NDUFAF2: variants seen among roughly 807,000 people sequenced by gnomAD.
NDUFAF2 encodes the protein NADH dehydrogenase [ubiquinone] 1 alpha subcomplex assembly factor 2.
A neutral mutation model predicts 22.8 loss-of-function variants in NDUFAF2; 13 were observed. The observed-to-expected ratio is 0.57, with a 90% CI of 0.37 to 0.91. NDUFAF2 has a LOEUF of 0.91. Among genes scored for constraint, NDUFAF2 ranks in the 40% least tolerant of loss-of-function variants. The probability of loss-of-function intolerance (pLI) is 0.01; values close to 1 mark genes in which losing one functional copy is unlikely to be tolerated. For missense variants in NDUFAF2, 162 were observed against 195.2 expected, an observed-to-expected ratio of 0.83 and a Z score of 1.01; for synonymous variants, 53 against 64.2, an observed-to-expected ratio of 0.83 and a Z score of 0.84.
At chr5:60,980,791 C>T (rs1218746242) in intron 1 of NDUFAF2, among the ~76,000 whole-genome samples, 5 of 151,954 alleles carry the variant, frequency 3.3e-5, no homozygotes, top group Non-Finnish European at 1.5e-5. Context: ...ATGCAGTTGA[C>T]ACACTGAACA....
chr5:61,077,047 A>G (rs1232042606), intron 2 of NDUFAF2, among the ~76,000 whole-genome samples: 1 of 152,206 alleles, frequency 6.6e-6, no homozygotes, highest in African/African-American at 2.4e-5. Context: ...GGGTGGAAAA[A>G]TGAAATCAAT....
At chr5:61,033,922 A>T (rs1169773948) in intron 1 of NDUFAF2, among the ~76,000 whole-genome samples, 1 of 152,152 alleles carries the variant, frequency 6.6e-6, no homozygotes, top group East Asian at 1.9e-4. Flanking sequence ...TTAATAGCTG[A>T]CGTTATTTTC....
intron 3 of NDUFAF2, among the ~76,000 whole-genome samples, chr5:61,106,997 A>C (rs1752772339): frequency 6.9e-6 from 1 of 144,592 alleles, no homozygotes; most frequent in Non-Finnish European, 1.5e-5. Context: ...TAAACATGGG[A>C]GTACAGGTAT....
chr5:61,016,408 T>A (rs965176384), intron 1 of NDUFAF2, among the ~76,000 whole-genome samples: 1 of 152,186 alleles, frequency 6.6e-6, no homozygotes, highest in African/African-American at 2.4e-5. Context: ...TCCTGTTGGA[T>A]GATTGCTTTC....
At chr5:60,954,033 T>A (rs1750582081) in intron 1 of NDUFAF2, among the ~76,000 whole-genome samples, 1 of 152,140 alleles carries the variant, frequency 6.6e-6, no homozygotes, top group Non-Finnish European at 1.5e-5. Flanking sequence ...TGATATAAGT[T>A]AGGATTGTTT....
At chr5:61,136,005 TTATATATATATATATATATATATA>T (rs57756292) in intron 3 of NDUFAF2, among the ~76,000 whole-genome samples, 6,883 of 96,052 alleles carry the variant, frequency 0.072, 771 homozygotes, top group South Asian at 0.14. Flanking sequence ...AAGCCTGTCT[TTATATATATATATATATATATATA>T]TATATATATA....
At chr5:60,987,101 G>A (rs936729374) in intron 1 of NDUFAF2, among the ~76,000 whole-genome samples, 9 of 151,674 alleles carry the variant, frequency 5.9e-5, no homozygotes, top group South Asian at 2.1e-4. Context: ...GAATGTTACC[G>A]CTGACCCCAC....
At chr5:61,071,880 TAAAG>T (rs1309643313) in intron 1 of NDUFAF2, among the ~76,000 whole-genome samples, 2 of 152,226 alleles carry the variant, frequency 1.3e-5, no homozygotes, top group Non-Finnish European at 2.9e-5. Context: ...ACCATTTTGA[TAAAG>T]CTGCTTTGAA....
intron 3 of NDUFAF2, among the ~76,000 whole-genome samples, chr5:61,143,630 T>C (rs1741088324): frequency 6.6e-6 from 1 of 152,158 alleles, no homozygotes; most frequent in Admixed American, 6.5e-5. Flanking sequence ...TCATTTTTTA[T>C]ATGTAATATA....
At chr5:61,046,586 A>G (rs78658020) in intron 1 of NDUFAF2, among the ~76,000 whole-genome samples, 3,114 of 152,254 alleles carry the variant, frequency 0.02, 57 homozygotes, top group Non-Finnish European at 0.031. Flanking sequence ...ATTATCTATC[A>G]TAAAATCTCT....
chr5:61,004,455 T>A (rs1751339526), intron 1 of NDUFAF2, among the ~76,000 whole-genome samples: 1 of 152,104 alleles, frequency 6.6e-6, no homozygotes, highest in African/African-American at 2.4e-5. Context: ...GCTTTAATTG[T>A]GAAATCTACT....
chr5:61,150,056 C>T (rs1308469178), intron 3 of NDUFAF2, among the ~76,000 whole-genome samples: 5 of 152,110 alleles, frequency 3.3e-5, no homozygotes, highest in Non-Finnish European at 5.9e-5. Context: ...CTCAGCCTCC[C>T]GAGTAGCTGG....
At chr5:60,972,685 A>C (rs1460869713) in intron 1 of NDUFAF2, among the ~76,000 whole-genome samples, 1 of 151,298 alleles carries the variant, frequency 6.6e-6, no homozygotes, top group African/African-American at 2.4e-5. Flanking sequence ...AGGTTATATT[A>C]GAGTCTTGAT....
chr5:61,004,185 T>C (rs1196517332), intron 1 of NDUFAF2, among the ~76,000 whole-genome samples: 2 of 152,078 alleles, frequency 1.3e-5, no homozygotes, highest in African/African-American at 4.8e-5. Context: ...TTTTCTGTCT[T>C]ATTTGTTTTT....
At chr5:61,079,000 A>G (rs1415014964) in intron 2 of NDUFAF2, among the ~76,000 whole-genome samples, 1 of 152,152 alleles carries the variant, frequency 6.6e-6, no homozygotes, top group Non-Finnish European at 1.5e-5. Flanking sequence ...AACATTTTTT[A>G]TGAGAACCCT....
chr5:61,069,040 T>C lies in NDUFAF2; in HGVS notation c.128-4085T>C, dbSNP rs76576811. The stretch of plus-strand genomic sequence containing the variant: ...GAAGTAATAATAGTACCTCATAGCA[T>C]TGTATAGCTTAAATGAAATTACTCA... On this transcript the variant is annotated intron_variant, in intron 1 of 3. Transcript: ENST00000296597. Among the ~76,000 whole-genome samples, 61 of 152,254 alleles carry C rather than the reference T, an allele frequency of 4.0e-4. 1 individual carries two copies. The East Asian group carries it at 0.011, about 28-fold the overall frequency.
intron 1 of NDUFAF2, among the ~76,000 whole-genome samples, chr5:61,066,944 G>C (rs559642284): frequency 6.6e-6 from 1 of 152,192 alleles, no homozygotes; most frequent in East Asian, 1.9e-4. Flanking sequence ...GGGTGGTTGG[G>C]AGAAGTAGGG....
chr5:61,080,529 T>A (rs1195814688), intron 2 of NDUFAF2, among the ~76,000 whole-genome samples: 2 of 152,238 alleles, frequency 1.3e-5, no homozygotes, highest in Non-Finnish European at 2.9e-5. Context: ...GTTGTCAGTT[T>A]CATTACATTT....
intron 3 of NDUFAF2, among the ~76,000 whole-genome samples, chr5:61,124,155 T>G (rs1054320044): frequency 2.0e-5 from 3 of 152,152 alleles, no homozygotes; most frequent in Admixed American, 2.0e-4. Flanking sequence ...AGTAACTGAC[T>G]GACAGATGGT....
Sources: allele counts gnomAD v4.1 joint callset (sites outside exome capture counted in the v4.1 genomes callset), GRCh38; gene constraint gnomAD v4.1.1; transcripts MANE v1.5; gene names NCBI Gene and HGNC (gene_info 2026-07-23, HGNC 2026-07-21).